Variants in CDH8 observed in about 807,000 individuals in gnomAD.
CDH8 encodes cadherin-8.
A neutral mutation model predicts 68.1 loss-of-function variants in CDH8; 17 were observed. The ratio of observed to expected loss-of-function variants is 0.25; its 90% confidence interval spans 0.17 to 0.37. The LOEUF (loss-of-function observed/expected upper bound fraction) is 0.37. CDH8 is among the 10% of genes least tolerant of loss of function. CDH8 has a pLI of 1.00. For synonymous variants in CDH8, 372 were observed against 365.1 expected (o/e 1.02, Z -0.21); for missense variants, 763 against 999.3 (o/e 0.76, Z 3.19).
At position 61,801,792 on chromosome 16, in the gene CDH8, C is replaced by T. The variant is rs191975563; in HGVS notation, c.1278-12310G>A. On this transcript the variant is annotated intron_variant, in intron 7 of 11. Transcript: ENST00000577390. ...AAGCGGCGAACCATGAGATTATATC[C>T]CACACCTGGCTCGGAGGGCCCTACG... is the stretch of plus-strand genomic sequence containing the variant. Among the ~76,000 whole-genome samples, 13 of 152,330 alleles carry T rather than the reference C, an allele frequency of 8.5e-5. No homozygotes were observed. In the East Asian group the frequency reaches 9.7e-4, roughly 11 times the overall value.
intron 8 of CDH8, among the ~76,000 whole-genome samples, chr16:61,760,365 G>T (rs1199360412): frequency 6.6e-6 from 1 of 151,694 alleles, no homozygotes; most frequent in African/African-American, 2.4e-5. Flanking sequence ...AAGCTGGAGT[G>T]CAGTGGCGCA....
At chr16:61,779,905 A>C (rs1961003083) in intron 8 of CDH8, among the ~76,000 whole-genome samples, 1 of 152,176 alleles carries the variant, frequency 6.6e-6, no homozygotes, top group African/African-American at 2.4e-5. Flanking sequence ...TTGAGCAAGA[A>C]GATAAAGAGG....
intron 2 of CDH8, chr16:61,918,387 A>C (rs142488570): frequency 0.025 from 3,970 of 155,854 alleles, 89 homozygotes; most frequent in Middle Eastern, 0.041. Context: ...TGATTTCTGC[A>C]TTTCCATCTG....
At chr16:61,708,677 A>G (rs1362082526) in intron 10 of CDH8, among the ~76,000 whole-genome samples, 2 of 152,238 alleles carry the variant, frequency 1.3e-5, no homozygotes, top group African/African-American at 4.8e-5. Flanking sequence ...TTTAGGTGAC[A>G]AAATGAAACA....
At chr16:61,822,043 A>G (rs757476558) in intron 5 of CDH8, among the ~76,000 whole-genome samples, 1 of 151,734 alleles carries the variant, frequency 6.6e-6, no homozygotes, top group Non-Finnish European at 1.5e-5. Context: ...AGCAGCCCTC[A>G]AAGACTCACA....
intron 10 of CDH8, among the ~76,000 whole-genome samples, chr16:61,661,510 C>T (rs968305080): frequency 6.6e-6 from 1 of 151,276 alleles, no homozygotes; most frequent in Non-Finnish European, 1.5e-5. Context: ...AAGAAGAAAG[C>T]AAAAGGGAAA....
intron 2 of CDH8, among the ~76,000 whole-genome samples, chr16:61,966,340 C>T (rs935894450): frequency 6.6e-6 from 1 of 151,870 alleles, no homozygotes; most frequent in South Asian, 2.1e-4. Flanking sequence ...GAGATCTAGA[C>T]AACCTTGGCC....
chr16:62,005,438 C>T (rs1480109423), intron 2 of CDH8, among the ~76,000 whole-genome samples: 2 of 152,000 alleles, frequency 1.3e-5, no homozygotes, highest in Non-Finnish European at 2.9e-5. Context: ...AAATCTCATT[C>T]AATAATATGC....
chr16:61,684,680 C>T (rs1964075188), intron 10 of CDH8, among the ~76,000 whole-genome samples: 1 of 152,010 alleles, frequency 6.6e-6, no homozygotes, highest in African/African-American at 2.4e-5. Context: ...GTGCTCTGCG[C>T]TGTACTGCAG....
chr16:61,705,674 T>G (rs1200660970), intron 10 of CDH8, among the ~76,000 whole-genome samples: 1 of 152,188 alleles, frequency 6.6e-6, no homozygotes, highest in East Asian at 1.9e-4. Context: ...AAAGATGGAA[T>G]GGGAATGATG....
At chr16:61,721,034 T>C (rs969682525) in intron 9 of CDH8, among the ~76,000 whole-genome samples, 2 of 150,736 alleles carry the variant, frequency 1.3e-5, no homozygotes, top group African/African-American at 4.8e-5. Flanking sequence ...ACAGAGATTA[T>C]GGCTCAGCAT....
rs372906173 is a variant in CDH8 at position 61,666,206 on chromosome 16, G to GTGTGTA, written c.1655-10486_1655-10485insTACACA. ...TGTGTGTGTGTGTGTGTGTGTGTGT[G>GTGTGTA]TATATATATATATATGTATATGGTT... is the stretch of plus-strand genomic sequence containing the variant. On this transcript the variant is annotated intron_variant, in intron 10 of 11. Coordinates refer to ENST00000577390, the MANE Select transcript of CDH8 (RefSeq NM_001796.5). 7.9e-3 allele frequency among the ~76,000 whole-genome samples: 1,155 copies of GTGTGTA among 145,566 alleles called. 14 individuals are homozygous for GTGTGTA. The highest frequency in any genetic ancestry group is 0.026 in the African/African-American group (1,032 of 39,090).
chr16:61,712,995 G>A (rs954935683), intron 10 of CDH8, among the ~76,000 whole-genome samples: 2 of 151,482 alleles, frequency 1.3e-5, no homozygotes, highest in African/African-American at 2.4e-5. Flanking sequence ...AGACCATTGA[G>A]AGACCTAAAC....
At chr16:61,875,530 T>C (rs1963443302) in intron 3 of CDH8, among the ~76,000 whole-genome samples, 1 of 152,204 alleles carries the variant, frequency 6.6e-6, no homozygotes, top group Non-Finnish European at 1.5e-5. Context: ...ATCTATAACC[T>C]AAAAAGAAGC....
At chr16:62,029,090 A>G (rs1436728781) in intron 1 of CDH8, among the ~76,000 whole-genome samples, 1 of 152,134 alleles carries the variant, frequency 6.6e-6, no homozygotes, top group African/African-American at 2.4e-5. Flanking sequence ...GAAATAAGTC[A>G]CCTGGGCACG....
At position 61,652,745 on chromosome 16, in the gene CDH8, G is replaced by A; in HGVS notation, c.*863C>T. 1 of 1,312,160 alleles carries A rather than the reference G, an allele frequency of 7.6e-7. No individual in the cohort carries two copies. Among genetic ancestry groups the A allele is most frequent in the Non-Finnish European group, 9.7e-7 (1 of 1,031,332 alleles). 81.3% of individuals were successfully genotyped at this position (1,312,160 alleles called of 1,614,324 possible). On this transcript the variant is annotated 3_prime_UTR_variant, in exon 12 of 12. Transcript: ENST00000577390. ...ACCTTAATAAATAAAAGCATTAATG[G>A]ACATCAATAAAATATTTATTTCGAG...
rs1480015695 is a variant in CDH8, at chr16:62,020,926, T to C, written c.252+226A>G. 2.6e-5 allele frequency among the ~76,000 whole-genome samples: 4 copies of C among 152,014 alleles called. No homozygotes were observed. In the South Asian group the frequency reaches 6.2e-4, roughly 24 times the overall value. On this transcript the variant is annotated intron_variant, in intron 2 of 11. Coordinates refer to ENST00000577390, the MANE Select transcript of CDH8 (RefSeq NM_001796.5). The stretch of plus-strand genomic sequence containing the variant: ...TTATATAAGCAGTGTTGTATTTTAC[T>C]GATAGCCGGGTGGAAGAGGTGGTAG...
chr16:61,821,888 C>T (rs1962222557), intron 5 of CDH8, among the ~76,000 whole-genome samples: 3 of 151,958 alleles, frequency 2.0e-5, no homozygotes, highest in Non-Finnish European at 4.4e-5. Flanking sequence ...TAACCCCCGG[C>T]CATTGTTACT....
chr16:61,932,264 C>G (rs1484915237), intron 2 of CDH8, among the ~76,000 whole-genome samples: 1 of 148,522 alleles, frequency 6.7e-6, no homozygotes, highest in Non-Finnish European at 1.5e-5. Flanking sequence ...ATGACCATAA[C>G]ATATTATTAA....
Sources: gnomAD v4.1 joint callset for allele counts (sites outside exome capture counted in the v4.1 genomes callset) on GRCh38, gnomAD v4.1.1 for gene constraint, MANE v1.5 for transcripts, NCBI Gene and HGNC (gene_info 2026-07-23, HGNC 2026-07-21) for gene names.